The following MCF2 variants were observed in gnomAD, a reference collection of about 807,000 sequenced individuals.
MCF2 encodes MCF.2 cell line derived transforming sequence.
Under a neutral mutation model 82.5 loss-of-function variants are expected in MCF2, and 44 were observed. The observed-to-expected ratio is 0.53, with a 90% CI of 0.42 to 0.69. The LOEUF (loss-of-function observed/expected upper bound fraction) is 0.69, where lower values mean the gene tolerates loss of function less well. MCF2 is among the 30% of genes least tolerant of loss of function. MCF2 has a pLI of 0.00. For missense variants in MCF2, 623 were observed against 663.1 expected (o/e 0.94, Z 0.66); for synonymous variants, 217 against 224.9 (o/e 0.96, Z 0.32).
chrX:139,622,248 G>A (rs1441933107), intron 6 of MCF2, among the ~76,000 whole-genome samples: 2 of 111,785 alleles, frequency 1.8e-5, no homozygotes, highest in Non-Finnish European at 3.8e-5. Context: ...TGGAGAGGAT[G>A]TGGAGAAATA....
At chrX:139,619,428 T>C (rs771554316) in intron 7 of MCF2, among the ~76,000 whole-genome samples, 159 bp downstream of exon 10, 2 of 110,538 alleles carry the variant, frequency 1.8e-5, no homozygotes, top group Admixed American at 9.7e-5. Flanking sequence ...AAATCACCAC[T>C]AAAGAACTTA....
At chrX:139,632,252 T>G (rs774904077) in intron 2 of MCF2, 83 bp downstream of exon 5, 8 of 757,946 alleles carry the variant, frequency 1.1e-5, no homozygotes, top group Admixed American at 7.7e-5. Flanking sequence ...AAATGACACA[T>G]GGGCACATGT....
chrX:139,671,814 T>C (rs181204375), intron 1 of MCF2, among the ~76,000 whole-genome samples: 18 of 112,011 alleles, frequency 1.6e-4, no homozygotes, highest in African/African-American at 4.9e-4. Flanking sequence ...TTTGGTTCCA[T>C]ATGAACTTTA....
chrX:139,598,080 C>T (rs1252328578), intron 17 of MCF2, among the ~76,000 whole-genome samples: 2 of 111,991 alleles, frequency 1.8e-5, no homozygotes, highest in African/African-American at 3.2e-5. Context: ...AATGCAGCCT[C>T]AAAACTATAA....
chrX:139,662,125 A>G (rs1934372075), intron 1 of MCF2, among the ~76,000 whole-genome samples: 1 of 112,369 alleles, frequency 8.9e-6, no homozygotes, highest in South Asian at 3.6e-4. Flanking sequence ...AGGTCAAGAT[A>G]GAAGAATCAA....
chrX:139,596,725 T>G, exon 19 of MCF2: 42 of 1,210,089 alleles, frequency 3.5e-5, no homozygotes, highest in Non-Finnish European at 4.6e-5. Context: ...ATCCAAACGC[T>G]GAATCCACCT....
intron 15 of MCF2, 22 bp from the exon 20 acceptor site, chrX:139,602,520 A>T (rs769398827): frequency 1.0e-6 from 1 of 996,096 alleles, no homozygotes; most frequent in Non-Finnish European, 1.4e-6. Context: ...AACAAATTCA[A>T]ATGTATTACT....
intron 1 of MCF2, chrX:139,642,460 G>T: frequency 8.3e-7 from 1 of 1,211,505 alleles, no homozygotes; most frequent in Non-Finnish European, 1.1e-6. Flanking sequence ...TGCAGACAGA[G>T]CCCTTACCGC....
upstream of MCF2, chrX:139,646,659 T>C: frequency 8.3e-6 from 3 of 361,264 alleles, no homozygotes; most frequent in Non-Finnish European, 1.4e-5. Flanking sequence ...ACTTCTTATC[T>C]ACTCTGAAGT....
chrX:139,637,802 T>A (rs1167051215), intron 1 of MCF2, among the ~76,000 whole-genome samples: 1 of 111,595 alleles, frequency 9.0e-6, no homozygotes, highest in Non-Finnish European at 1.9e-5. Flanking sequence ...AGAGACTTTA[T>A]AAATGTGATT....
chrX:139,703,857 A>G (rs1306011718), intron 1 of MCF2, among the ~76,000 whole-genome samples: 2 of 112,373 alleles, frequency 1.8e-5, no homozygotes, highest in Non-Finnish European at 3.8e-5. Flanking sequence ...GAACAAGAAT[A>G]TTTGTATTAA....
intron 19 of MCF2, among the ~76,000 whole-genome samples, chrX:139,590,404 G>A (rs568797454): frequency 9.1e-5 from 10 of 110,015 alleles, no homozygotes; most frequent in African/African-American, 3.3e-4. Flanking sequence ...TAATTCATGG[G>A]ACAGGAGAGA....
intron 1 of MCF2, among the ~76,000 whole-genome samples, chrX:139,687,248 A>G (rs759558457): frequency 1.8e-5 from 2 of 112,235 alleles, no homozygotes; most frequent in Non-Finnish European, 3.8e-5. Flanking sequence ...ATTTTGCTCA[A>G]TGGCATCTTC....
chrX:139,586,902 C>T (rs1929015942), intron 22 of MCF2, among the ~76,000 whole-genome samples: 1 of 111,612 alleles, frequency 9.0e-6, no homozygotes, highest in Non-Finnish European at 1.9e-5. Context: ...GATGTTACTC[C>T]TATAATGTAC....
chrX:139,691,483 C>A (rs1935261565), intron 1 of MCF2, among the ~76,000 whole-genome samples: 2 of 111,969 alleles, frequency 1.8e-5, no homozygotes, highest in Admixed American at 1.9e-4. Flanking sequence ...ATTCCCACTT[C>A]TCCGGGGACG....
intron 1 of MCF2, among the ~76,000 whole-genome samples, chrX:139,640,896 T>C (rs1415300076): frequency 4.5e-5 from 5 of 110,703 alleles, no homozygotes; most frequent in Non-Finnish European, 5.7e-5. Context: ...CATATACTCT[T>C]ACTTAACACC....
intron 16 of MCF2, 134 bp downstream of exon 20, chrX:139,602,272 G>T: frequency 2.0e-6 from 1 of 502,559 alleles, no homozygotes; most frequent in Non-Finnish European, 3.4e-6. Context: ...TTGGGGGGGA[G>T]GGTGGATTTG....
chrX:139,615,299 A>G (rs1931815153), intron 9 of MCF2, among the ~76,000 whole-genome samples: 1 of 112,000 alleles, frequency 8.9e-6, no homozygotes, highest in Admixed American at 9.5e-5. Flanking sequence ...GTCACTGCAT[A>G]GAGTGATTTG....
chrX:139,705,656 A>G (rs1407668938), intron 1 of MCF2, among the ~76,000 whole-genome samples: 1 of 112,502 alleles, frequency 8.9e-6, no homozygotes, highest in Non-Finnish European at 1.9e-5. Context: ...TGGCCTTGGT[A>G]AAGAATTTTT....
Sources: allele counts gnomAD v4.1 joint callset (sites outside exome capture counted in the v4.1 genomes callset), GRCh38; gene constraint gnomAD v4.1.1; transcripts MANE v1.5; gene names NCBI Gene and HGNC (gene_info 2026-07-23, HGNC 2026-07-21).